Variants in NUMB observed in about 807,000 individuals in gnomAD.
NUMB encodes the protein protein numb homolog.
NUMB carries 29 observed loss-of-function variants against 59.7 expected under a neutral mutation model. That is an observed-to-expected ratio of 0.49 (90% CI 0.36 to 0.66). NUMB has a LOEUF of 0.66. Among genes scored for constraint, NUMB ranks in the 30% least tolerant of loss-of-function variants. The pLI is 0.00. For missense variants in NUMB, 723 were observed against 822.0 expected (o/e 0.88, Z 1.47); for synonymous variants, 288 against 288.2 (o/e 1.00, Z 0.01).
At chr14:73,366,253 T>C (rs1057504201) in intron 3 of NUMB, among the ~76,000 whole-genome samples, 19 of 152,196 alleles carry the variant, frequency 1.2e-4, no homozygotes, top group African/African-American at 4.3e-4. Context: ...AGTTGCCCAA[T>C]TTGCTTTACA....
At chr14:73,389,272 C>CAAAAAAAAAAAAAAAAA (rs869074049) in intron 2 of NUMB, among the ~76,000 whole-genome samples, 21 of 66,462 alleles carry the variant, frequency 3.2e-4, no homozygotes, top group African/African-American at 1.1e-3. Flanking sequence ...CTCCATCTCT[C>CAAAAAAAAAAAAAAAAA]AAAAAAAAAA....
chr14:73,286,392 T>C (rs1237071183), intron 9 of NUMB: 1 of 152,142 alleles, frequency 6.6e-6, no homozygotes, highest in Non-Finnish European at 1.5e-5. Flanking sequence ...CTTGTCTTGT[T>C]GGTTTTAACC....
At chr14:73,363,018 G>A (rs932473429) in intron 3 of NUMB, among the ~76,000 whole-genome samples, 10 of 152,046 alleles carry the variant, frequency 6.6e-5, no homozygotes, top group Admixed American at 5.2e-4. Flanking sequence ...AAATAAAGCC[G>A]GGTGCAGTGG....
At chr14:73,280,460 C>T (rs1210736610) in intron 11 of NUMB, among the ~76,000 whole-genome samples, 1 of 151,428 alleles carries the variant, frequency 6.6e-6, no homozygotes, top group Non-Finnish European at 1.5e-5. Context: ...TTTTCCCCCT[C>T]TATGATGTTT....
intron 1 of NUMB, among the ~76,000 whole-genome samples, chr14:73,421,118 A>G (rs1482714617): frequency 1.3e-5 from 2 of 152,192 alleles, no homozygotes; most frequent in African/African-American, 4.8e-5. Flanking sequence ...CAGTTTCTGA[A>G]AATTAATATG....
rs575830888 is a variant in NUMB, at chr14:73,352,423, A to AAT, written c.126+3201_126+3202dup. Among the ~76,000 whole-genome samples the AAT allele has an allele frequency of 6.0e-4, 47 of 77,810 alleles. 6 individuals carry two copies. The highest frequency in any genetic ancestry group is 7.6e-4 in the Non-Finnish European group (32 of 41,850). 51.0% of individuals were successfully genotyped at this position (77,810 alleles called of 152,430 possible). A position where few individuals can be genotyped will look rare whatever the true frequency, so the allele number is the denominator to read the frequency against. On this transcript the variant is annotated intron_variant, in intron 4 of 12. Coordinates refer to ENST00000555238, the MANE Select transcript of NUMB (RefSeq NM_001005743.2). ...AAAAGTATTTACCTTGGGTTGTAAT[A>AAT]ATATATATATACACACACACACACA...
At chr14:73,443,611 A>C (rs898723163) in intron 1 of NUMB, among the ~76,000 whole-genome samples, 1 of 151,782 alleles carries the variant, frequency 6.6e-6, no homozygotes, top group Admixed American at 6.6e-5. Flanking sequence ...AAAAAAAAAA[A>C]AGTAGAAAAA....
At chr14:73,390,725 C>T (rs1403685015) in intron 2 of NUMB, among the ~76,000 whole-genome samples, 1 of 133,206 alleles carries the variant, frequency 7.5e-6, no homozygotes, top group Non-Finnish European at 1.6e-5. Context: ...TCTCAGCTCA[C>T]TTCAACCTCC....
chr14:73,353,069 C>CTTTTTTTTTTTTTT (rs1566756859), intron 4 of NUMB, among the ~76,000 whole-genome samples: 3 of 18,084 alleles, frequency 1.7e-4, no homozygotes, highest in Non-Finnish European at 3.1e-4. Flanking sequence ...CACAGTTTTT[C>CTTTTTTTTTTTTTT]TTGTTTTTTT....
At chr14:73,369,949 T>C (rs1194370049) in intron 2 of NUMB, among the ~76,000 whole-genome samples, 1 of 152,214 alleles carries the variant, frequency 6.6e-6, no homozygotes, top group Non-Finnish European at 1.5e-5. Flanking sequence ...GTGTTTTGCT[T>C]ATATTGAATT....
Position 73,292,876 on chromosome 14 carries a change from TAGA to T in NUMB, c.310-5_310-3del, listed in dbSNP as rs751561366. On this transcript the variant is annotated splice_polypyrimidine_tract_variant and splice_region_variant and intron_variant, in intron 7 of 12. Coordinates refer to ENST00000555238, the MANE Select transcript of NUMB (RefSeq NM_001005743.2). ...TATCGTCTGGTCAACTATGAGGTCC[TAGA>T]AAATACGACACACAAAGAAAGAGAA... is the stretch of plus-strand genomic sequence containing the variant. 1 of 1,613,964 alleles carries T rather than the reference TAGA, an allele frequency of 6.2e-7. No individual in the cohort carries two copies. Among genetic ancestry groups the T allele is most frequent in the African/African-American group, 1.3e-5 (1 of 75,026 alleles).
chr14:73,302,273 A>C (rs530200689), intron 6 of NUMB, among the ~76,000 whole-genome samples: 1 of 152,286 alleles, frequency 6.6e-6, no homozygotes, highest in South Asian at 2.1e-4. Flanking sequence ...GGGTTCTTGT[A>C]CATCATTATA....
intron 4 of NUMB, among the ~76,000 whole-genome samples, chr14:73,334,297 T>C (rs573076638): frequency 2.7e-4 from 41 of 152,336 alleles, no homozygotes; most frequent in African/African-American, 9.9e-4. Context: ...TGCGATACTT[T>C]TTCATGTATA....
At chr14:73,361,077 A>G (rs543828616) in intron 3 of NUMB, among the ~76,000 whole-genome samples, 2 of 152,042 alleles carry the variant, frequency 1.3e-5, no homozygotes, top group Admixed American at 6.6e-5. Context: ...TTTTGTAGAG[A>G]TGGGGTTTTG....
intron 1 of NUMB, among the ~76,000 whole-genome samples, chr14:73,414,048 G>A (rs950717350): frequency 3.3e-5 from 5 of 151,018 alleles, no homozygotes; most frequent in African/African-American, 9.7e-5. Flanking sequence ...TCCACCTCTC[G>A]GGTTCAAGGG....
chr14:73,441,713 C>G (rs766635148), intron 1 of NUMB, among the ~76,000 whole-genome samples: 1 of 151,510 alleles, frequency 6.6e-6, no homozygotes, highest in Non-Finnish European at 1.5e-5. Flanking sequence ...CCATCTCTAC[C>G]AAAAAATTTA....
At chr14:73,409,769 A>T (rs1244152106) in intron 2 of NUMB, 168 bp downstream of exon 2, 1 of 152,238 alleles carries the variant, frequency 6.6e-6, no homozygotes, top group Non-Finnish European at 1.5e-5. Context: ...CACATTTTAC[A>T]ATTAAGGAAA....
intron 3 of NUMB, among the ~76,000 whole-genome samples, chr14:73,364,114 G>A (rs1311150318): frequency 6.6e-6 from 1 of 152,146 alleles, no homozygotes; most frequent in Non-Finnish European, 1.5e-5. Flanking sequence ...CAGAAAACAT[G>A]TTTGATAAAA....
chr14:73,357,884 C>CT (rs775726422), intron 3 of NUMB, among the ~76,000 whole-genome samples: 3 of 138,126 alleles, frequency 2.2e-5, no homozygotes, highest in African/African-American at 8.2e-5. Flanking sequence ...ATCCTGAGGC[C>CT]CCCCCCAAAA....
Sources: allele counts gnomAD v4.1 joint callset (sites outside exome capture counted in the v4.1 genomes callset), GRCh38; gene constraint gnomAD v4.1.1; transcripts MANE v1.5; gene names NCBI Gene and HGNC (gene_info 2026-07-23, HGNC 2026-07-21).